The following KLHL38 variants were observed in gnomAD, a reference collection of about 807,000 sequenced individuals.
KLHL38 encodes the protein kelch like family member 38.
Under a neutral mutation model 39.6 loss-of-function variants are expected in KLHL38, and 38 were observed. That is an observed-to-expected ratio of 0.96 (90% CI 0.74 to 1.26). The LOEUF is 1.26. KLHL38 is among the 50% of genes most tolerant of loss of function. The pLI, the probability that KLHL38 is intolerant of heterozygous loss-of-function variation, is 0.00. For missense variants in KLHL38, 803 were observed against 748.1 expected (o/e 1.07, Z -0.86); for synonymous variants, 322 against 302.2 (o/e 1.07, Z -0.68).
In KLHL38 at chr8:123,652,781, C is replaced by T. The variant is rs375513752; in HGVS notation, c.146G>A (p.Arg49His). The T allele has an allele frequency of 2.5e-5, 41 of 1,614,100 alleles. No homozygotes were observed. Among genetic ancestry groups the T allele is most frequent in the African/African-American group, 1.6e-4 (12 of 75,054 alleles). ...CAGAREIPCH[R>H]NVLASSSPYF... is the part of the protein sequence containing the mutation. ...GGGGCTGCTGGAGGCCAGCACGTTG[C>T]GGTGGCAGGGGATCTCCCGGGCACC... The change falls in exon 2 of 4, where the codon CGC (arginine) becomes CAC (histidine). Residue 49 changes from arginine to histidine, a missense_variant. Physicochemically the swap from Arg to His is conservative, Grantham distance 29. Transcript: ENST00000684634.
Position 123,646,989 on chromosome 8 carries a change from C to T in KLHL38, c.1376G>A (p.Trp459Ter). Residue 459 changes from tryptophan to a stop codon, truncating the protein, a stop_gained, in exon 3 of 4, where the codon TGG becomes TAG. Coordinates refer to ENST00000684634, the MANE Select transcript of KLHL38 (RefSeq NM_001081675.3). LOFTEE classifies it high-confidence loss of function. ...IQVYHISRNSWFKMETRMIKN... is the reference protein window; with the variant it reads ...IQVYHISRNS ...GATCATTCTTGTCTCCATTTTGAAC[C>T]ACGAGTTTCTGGAAATGTGATAAAC... 1 of 1,612,240 alleles carries T rather than the reference C, an allele frequency of 6.2e-7. No individual in the cohort carries two copies. The highest frequency in any genetic ancestry group is 2.2e-5 in the East Asian group (1 of 44,846).
chr8:123,651,762 CG>C lies in KLHL38; in HGVS notation c.1164del (p.Ile388MetfsTer41). The part of the protein sequence containing the change: ...STAHKNFIFS[I>X]GGIGEGQELM... ...AGCTCCTGCCCTTCTCCAATCCCCC[CG>C]ATGGAGAAGATGAAGTTCTTATGGG... On this transcript the variant is annotated frameshift_variant, in exon 2 of 4. Transcript: ENST00000684634. LOFTEE classifies it high-confidence loss of function. The C allele has an allele frequency of 6.2e-7, 1 of 1,614,102 alleles. No homozygotes were observed. The highest frequency in any genetic ancestry group is 8.5e-7 in the Non-Finnish European group (1 of 1,179,986).
rs1383692434 is a variant in KLHL38 at position 123,653,615 on chromosome 8, G to A, written c.-31C>T. On this transcript the variant is annotated 5_prime_UTR_variant, in exon 1 of 4. Coordinates refer to ENST00000684634, the MANE Select transcript of KLHL38 (RefSeq NM_001081675.3). ...TTTTGCTGCGGTGACATCCACTGGT[G>A]CCTGGTCTGACTTATCCCCCCGGAG... Among the ~76,000 whole-genome samples, 2 of 152,196 alleles carry A rather than the reference G, an allele frequency of 1.3e-5. No individual in the cohort carries two copies. The highest frequency in any genetic ancestry group is 2.9e-5 in the Non-Finnish European group (2 of 68,030).
Position 123,651,883 on chromosome 8 carries a change from C to A in KLHL38, c.1044G>T (p.Leu348=). The change falls in exon 2 of 4, where the codon CTG becomes CTT. Residue 348 remains leucine (L), a synonymous_variant. Coordinates refer to ENST00000684634, the MANE Select transcript of KLHL38 (RefSeq NM_001081675.3). ...AGAAGATGTAGACATTGTGACTGAC[C>A]AGACTCCTCCCTGAGCTGACAGCCA... ...GGMAVSSGRS[L]VSHNVYIFSL... 6.2e-7 allele frequency: 1 copy of A among 1,614,166 alleles called. No homozygotes were observed. Among genetic ancestry groups the A allele is most frequent in the Middle Eastern group, 1.6e-4 (1 of 6,062 alleles).
Position 123,651,745 on chromosome 8 carries a change from C to T in KLHL38, c.1182G>A (p.Gly394=), listed in dbSNP as rs755627527. 1.2e-6 allele frequency: 2 copies of T among 1,614,154 alleles called. No homozygotes were observed. ...TTTCCATGGAGCCCATGAGCTCCTGCCCTTCTCCAATCCCCCCGATGGAGA... is the reference window on the plus strand; with the variant it reads ...TTTCCATGGAGCCCATGAGCTCCTGTCCTTCTCCAATCCCCCCGATGGAGA... ...FIFSIGGIGE[G]QELMGSMERY... Residue 394 remains glycine, a synonymous_variant, in exon 2 of 4, where the codon GGG becomes GGA. Coordinates refer to ENST00000684634, the MANE Select transcript of KLHL38 (RefSeq NM_001081675.3).
At chr8:123,651,055 A>G (rs1358342736) in intron 2 of KLHL38, among the ~76,000 whole-genome samples, 1 of 152,216 alleles carries the variant, frequency 6.6e-6, no homozygotes, top group Non-Finnish European at 1.5e-5. Context: ...ATGGTATTTG[A>G]TATCCTTTGT....
chr8:123,645,668 C>T lies in KLHL38; in HGVS notation c.*71G>A, dbSNP rs1011050984. ...TCCCTGCAGCCTTTAAGGGTTAAGC[C>T]CTTTGGAGCTGGGTTTGTGTCCCTG... On this transcript the variant is annotated 3_prime_UTR_variant, in exon 4 of 4. Transcript: ENST00000684634. The T allele has an allele frequency of 1.9e-6, 3 of 1,546,398 alleles. No homozygotes were observed. Among genetic ancestry groups the T allele is most frequent in the African/African-American group, 2.7e-5 (2 of 73,388 alleles).
chr8:123,647,193 A>G (rs75443317), intron 2 of KLHL38, among the ~76,000 whole-genome samples, 179 bp from the exon 3 acceptor site: 3,315 of 152,330 alleles, frequency 0.022, 122 homozygotes, highest in African/African-American at 0.074. Context: ...GAAGAAGTAT[A>G]TGATTAAAAA....
chr8:123,650,730 G>T (rs1020963947), intron 2 of KLHL38, among the ~76,000 whole-genome samples: 3 of 152,066 alleles, frequency 2.0e-5, no homozygotes, highest in African/African-American at 7.2e-5. Context: ...AATGTCTGCC[G>T]ATCATTAAAA....
At position 123,645,537 on chromosome 8, in the gene KLHL38, T is replaced by C. The variant is rs1370147085; in HGVS notation, c.*202A>G. 4.5e-5 allele frequency: 23 copies of C among 515,142 alleles called. No homozygotes were observed. Among genetic ancestry groups the C allele is most frequent in the Non-Finnish European group, 7.7e-5 (23 of 297,422 alleles). 31.9% of individuals were successfully genotyped at this position (515,142 alleles called of 1,614,324 possible). A position where few individuals can be genotyped will look rare whatever the true frequency, so the allele number is the denominator to read the frequency against. On this transcript the variant is annotated 3_prime_UTR_variant, in exon 4 of 4. Coordinates refer to ENST00000684634, the MANE Select transcript of KLHL38 (RefSeq NM_001081675.3). ...GGGGAAAGACAGAGACAGATGGAGG[T>C]GGGGGAGAGAGATAAGGAGAGAGGC...
chr8:123,652,873 A>G lies in KLHL38; in HGVS notation c.54T>C (p.Ser18=). Residue 18 remains serine (S), a synonymous_variant, in exon 2 of 4, where the codon TCT becomes TCC. Transcript: ENST00000684634. ...AGCTGTTGAGCTGCCTCAACAAGTC[A>G]GAAGAGAAGTCGTGGTCTTTGAAGA... ...GLLFKDHDFS[S]DLLRQLNSLR... The G allele has an allele frequency of 1.2e-6, 2 of 1,605,318 alleles. No homozygotes were observed. Among genetic ancestry groups the G allele is most frequent in the Non-Finnish European group, 1.7e-6 (2 of 1,179,952 alleles).
chr8:123,645,874 A>G lies in KLHL38; in HGVS notation c.1611T>C (p.Ile537=), dbSNP rs748940232. ...AGCAATCGAAGGAGGCGGAGTCCTC[A>G]ATGTTGCAGTCCGTGGTCAGCCGCC... is the stretch of plus-strand genomic sequence containing the variant. ...GGRRLTTDCN[I]EDSASFDCYD... The change falls in exon 4 of 4, where the codon ATT becomes ATC. Residue 537 remains isoleucine, a synonymous_variant. Transcript: ENST00000684634. 4.8e-5 allele frequency: 77 copies of G among 1,613,844 alleles called. 1 individual carries two copies. Among genetic ancestry groups the G allele is most frequent in the Non-Finnish European group, 6.4e-5 (75 of 1,179,998 alleles).
Position 123,645,263 on chromosome 8 carries a change from C to A in KLHL38, c.*476G>T, listed in dbSNP as rs2129735044. Among the ~76,000 whole-genome samples, 1 of 152,200 alleles carries A rather than the reference C, an allele frequency of 6.6e-6. No homozygotes were observed. Among genetic ancestry groups the A allele is most frequent in the East Asian group, 1.9e-4 (1 of 5,170 alleles). ...GACCAGCCTGGCCAACATAGTGAAA[C>A]CCTGTCTTTACTAAAACGCAAAAAT... On this transcript the variant is annotated 3_prime_UTR_variant, in exon 4 of 4. Transcript: ENST00000684634.
intron 3 of KLHL38, 46 bp from the exon 4 acceptor site, chr8:123,646,074 G>C: frequency 1.3e-6 from 2 of 1,559,378 alleles, no homozygotes; most frequent in Non-Finnish European, 1.8e-6. Context: ...TGCTCATCTG[G>C]GACTGGAGGT....
Position 123,652,630 on chromosome 8 carries a change from AAT to A in KLHL38, c.295_296del (p.Ile99CysfsTer3), listed in dbSNP as rs1289398191. ...VSYVYTGEAH[I>X]ATDNVLPVME... is the part of the protein sequence containing the mutation. Reference sequence around the variant, plus strand: ...TCACGGGGAGGACATTGTCAGTGGCAATATGTGCCTCCCCCGTATACACGTAG... The same window carrying A: ...TCACGGGGAGGACATTGTCAGTGGCAATGTGCCTCCCCCGTATACACGTAG... On this transcript the variant is annotated frameshift_variant, in exon 2 of 4. Coordinates refer to ENST00000684634, the MANE Select transcript of KLHL38 (RefSeq NM_001081675.3). LOFTEE classifies it high-confidence loss of function. 5.0e-6 allele frequency: 8 copies of A among 1,614,214 alleles called. No homozygotes were observed. Among genetic ancestry groups the A allele is most frequent in the East Asian group, 4.5e-5 (2 of 44,880 alleles).
intron 2 of KLHL38, among the ~76,000 whole-genome samples, 170 bp downstream of exon 2, chr8:123,651,407 C>T (rs79132421): frequency 0.013 from 1,911 of 152,166 alleles, 23 homozygotes; most frequent in Middle Eastern, 0.037. Flanking sequence ...TATGTGTGCA[C>T]GCATGTATGC....
rs144109404 is a variant in KLHL38 at position 123,645,805 on chromosome 8, C to G, written c.1680G>C (p.Pro560=). 1.2e-6 allele frequency: 2 copies of G among 1,613,090 alleles called. No homozygotes were observed. The highest frequency in any genetic ancestry group is 4.5e-5 in the East Asian group (2 of 44,828). ...TDTWTSQGQL[P]HKLFDHACLT... is the part of the protein sequence containing the mutation. ...GGCAGGCATGGTCAAAGAGCTTGTG[C>G]GGCAGCTGTCCCTGGGATGTCCAGG... Residue 560 remains proline (P), a synonymous_variant, in exon 4 of 4, where the codon CCG becomes CCC. Transcript: ENST00000684634.
Position 123,651,396 on chromosome 8 carries a change from A to G in KLHL38, c.1350+181T>C, listed in dbSNP as rs191821313. On this transcript the variant is annotated intron_variant, in intron 2 of 3. Transcript: ENST00000684634. The stretch of plus-strand genomic sequence containing the variant: ...TATGCATGAATATACATTTCTGCAT[A>G]TATGTGTGCACGCATGTATGCATAT... Among the ~76,000 whole-genome samples the G allele has an allele frequency of 9.6e-4, 146 of 152,344 alleles. 1 individual carries two copies. The highest frequency in any genetic ancestry group is 9.3e-3 in the Admixed American group (142 of 15,302).
chr8:123,651,528 A>T, intron 2 of KLHL38, 49 bp downstream of exon 2: 1 of 1,519,680 alleles, frequency 6.6e-7, no homozygotes, highest in South Asian at 1.3e-5. Context: ...GGGTGTGTCC[A>T]AGCACACATA....
Sources: allele counts gnomAD v4.1 joint callset (sites outside exome capture counted in the v4.1 genomes callset), GRCh38; gene constraint gnomAD v4.1.1; transcripts MANE v1.5; gene names NCBI Gene and HGNC (gene_info 2026-07-23, HGNC 2026-07-21).